STXBP3: variants seen among roughly 807,000 people sequenced by gnomAD.
STXBP3 encodes the protein syntaxin-binding protein 3.
In STXBP3, 41 loss-of-function variants were observed where a neutral mutation model predicts 85.7. The observed-to-expected ratio is 0.48, with a 90% CI of 0.37 to 0.62. The LOEUF (loss-of-function observed/expected upper bound fraction) is 0.62. Ranked by LOEUF, STXBP3 falls within the 20% of genes least tolerant of loss-of-function variation. The pLI is 0.00. For synonymous variants in STXBP3, 229 were observed against 231.7 expected (o/e 0.99, Z 0.10); for missense variants, 563 against 703.1 (o/e 0.80, Z 2.25).
chr1:108,792,754 T>C (rs1663004284), intron 11 of STXBP3, among the ~76,000 whole-genome samples: 1 of 152,140 alleles, frequency 6.6e-6, no homozygotes, highest in African/African-American at 2.4e-5. Context: ...GAATGTTGAG[T>C]TTTGTTCTGG....
chr1:108,792,531 C>G (rs1157005880), intron 11 of STXBP3, among the ~76,000 whole-genome samples: 1 of 152,172 alleles, frequency 6.6e-6, no homozygotes, highest in Non-Finnish European at 1.5e-5. Context: ...CAATCTTTTC[C>G]TCTAGCTATT....
At chr1:108,775,481 G>A (rs528379492) in intron 7 of STXBP3, among the ~76,000 whole-genome samples, 22 of 151,890 alleles carry the variant, frequency 1.4e-4, no homozygotes, top group Admixed American at 2.6e-4. Flanking sequence ...TCACCCTGTT[G>A]TGCTATCAAA....
At chr1:108,747,418 C>T (rs1661815009) in intron 1 of STXBP3, among the ~76,000 whole-genome samples, 1 of 152,176 alleles carries the variant, frequency 6.6e-6, no homozygotes, top group Non-Finnish European at 1.5e-5. Flanking sequence ...GCAAGAGCCG[C>T]TCCTTCCGTT....
Position 108,793,596 on chromosome 1 carries a change from T to C in STXBP3, c.978T>C (p.Ala326=), listed in dbSNP as rs1210153603. 2 of 1,612,202 alleles carry C rather than the reference T, an allele frequency of 1.2e-6. No homozygotes were observed. The highest frequency in any genetic ancestry group is 1.7e-6 in the Non-Finnish European group (2 of 1,178,870). The part of the protein sequence containing the change: ...KATEGKTSLS[A]LTQLMKKMPH... ...ATTTTTCCTAGACATCACTTAGTGC[T>C]CTTACCCAGCTGATGAAAAAGATGC... is the stretch of plus-strand genomic sequence containing the variant. The change falls in exon 12 of 19, where the codon GCT becomes GCC. Residue 326 remains alanine (A), a synonymous_variant. Coordinates refer to ENST00000370008, the MANE Select transcript of STXBP3 (RefSeq NM_007269.4).
At chr1:108,758,718 A>T (rs1435901291) in intron 5 of STXBP3, 130 bp downstream of exon 5, 5 of 407,670 alleles carry the variant, frequency 1.2e-5, no homozygotes, top group Non-Finnish European at 2.2e-5. Context: ...AGTCCTGGTG[A>T]TTTTCTATTT....
intron 3 of STXBP3, among the ~76,000 whole-genome samples, chr1:108,753,728 C>T (rs924579570): frequency 6.6e-6 from 1 of 151,988 alleles, no homozygotes; most frequent in South Asian, 2.1e-4. Context: ...ATCTGTATTA[C>T]CTATTGAGGA....
At chr1:108,785,500 G>A (rs957664027) in intron 11 of STXBP3, among the ~76,000 whole-genome samples, 13 of 151,980 alleles carry the variant, frequency 8.6e-5, no homozygotes, top group African/African-American at 3.1e-4. Flanking sequence ...TTTCCTCCTT[G>A]GCCTCTGGAC....
rs59575550 is a variant in STXBP3 at position 108,775,920 on chromosome 1, A to AACAC, written c.594-383_594-380dup. Among the ~76,000 whole-genome samples, 513 of 150,090 alleles carry AACAC rather than the reference A, an allele frequency of 3.4e-3. 2 individuals carry two copies. The highest frequency in any genetic ancestry group is 0.011 in the African/African-American group (453 of 40,944). On this transcript the variant is annotated intron_variant, in intron 7 of 18. Transcript: ENST00000370008. The stretch of plus-strand genomic sequence containing the variant: ...TCAATGTCAATGTAGATAAATCTCA[A>AACAC]ACACACACACACACACACACACACA...
intron 1 of STXBP3, among the ~76,000 whole-genome samples, chr1:108,751,040 A>G (rs1451313847): frequency 6.6e-6 from 1 of 152,152 alleles, no homozygotes; most frequent in East Asian, 1.9e-4. Context: ...GAGCTCTCCA[A>G]ACTCTCTTAA....
Position 108,767,925 on chromosome 1 carries a change from A to C in STXBP3, c.439-4740A>C, listed in dbSNP as rs141640948. ...ACATCATCATTTGAGGATATACAAAAGAATGAGAGAATAATTTTCGTTTTT... is the reference window on the plus strand; with the variant it reads ...ACATCATCATTTGAGGATATACAAACGAATGAGAGAATAATTTTCGTTTTT... On this transcript the variant is annotated intron_variant, in intron 6 of 18. Coordinates refer to ENST00000370008, the MANE Select transcript of STXBP3 (RefSeq NM_007269.4). 3.3e-3 allele frequency among the ~76,000 whole-genome samples: 508 copies of C among 152,256 alleles called. 2 individuals are homozygous for C. Among genetic ancestry groups the C allele is most frequent in the African/African-American group, 0.012 (494 of 41,560 alleles).
At chr1:108,807,579 T>G in intron 18 of STXBP3, 30 bp downstream of exon 18, 2 of 1,443,102 alleles carry the variant, frequency 1.4e-6, no homozygotes, top group Admixed American at 2.2e-5. Flanking sequence ...CTTTTCTGTT[T>G]TTTTTTTTTT....
At chr1:108,808,701 T>C (rs1663393048) in intron 18 of STXBP3, 82 bp from the exon 19 acceptor site, 1 of 1,103,368 alleles carries the variant, frequency 9.1e-7, no homozygotes. Context: ...ACTTTACATA[T>C]TTGAAGGACA....
chr1:108,797,482 G>A lies in STXBP3; in HGVS notation c.1357-663G>A, dbSNP rs866086801. Among the ~76,000 whole-genome samples, 109 of 137,792 alleles carry A rather than the reference G, an allele frequency of 7.9e-4. 1 individual carries two copies. The Middle Eastern group carries it at 0.015, about 18-fold the overall frequency. The allele number at this position is 137,792 out of a possible 152,430, so 90.4% of individuals were successfully genotyped here. ...GGCTGGAGTGCAGTGGCATGACCTC[G>A]GCTCACGGCAACCTCTGCCTCCCAG... On this transcript the variant is annotated intron_variant, in intron 15 of 18. Transcript: ENST00000370008.
At chr1:108,770,256 C>T (rs546775787) in intron 6 of STXBP3, among the ~76,000 whole-genome samples, 257 of 152,260 alleles carry the variant, frequency 1.7e-3, no homozygotes, top group African/African-American at 6.0e-3. Context: ...AACCATGCCA[C>T]TGCACTCCAG....
chr1:108,805,390 G>A (rs1663306494), intron 17 of STXBP3, among the ~76,000 whole-genome samples: 1 of 151,520 alleles, frequency 6.6e-6, no homozygotes, highest in Admixed American at 6.6e-5. Context: ...GTAATGAATG[G>A]AAGCAATCAT....
At chr1:108,775,707 T>C (rs545738313) in intron 7 of STXBP3, among the ~76,000 whole-genome samples, 13 of 152,274 alleles carry the variant, frequency 8.5e-5, no homozygotes, top group African/African-American at 2.9e-4. Flanking sequence ...TGACCGCCAG[T>C]TCCATCCATG....
chr1:108,752,456 T>C (rs1438902296), intron 2 of STXBP3, 150 bp downstream of exon 2: 1 of 714,728 alleles, frequency 1.4e-6, no homozygotes, highest in African/African-American at 1.8e-5. Flanking sequence ...TGTGTGTAGG[T>C]TACATGCAAA....
chr1:108,759,976 TC>T lies in STXBP3; in HGVS notation c.338-5del. 2 of 1,513,072 alleles carry T rather than the reference TC, an allele frequency of 1.3e-6. No individual in the cohort carries two copies. Among genetic ancestry groups the T allele is most frequent in the East Asian group, 2.4e-5 (1 of 42,072 alleles). 93.7% of individuals were successfully genotyped at this position (1,513,072 alleles called of 1,614,324 possible). A position where few individuals can be genotyped will look rare whatever the true frequency, so the allele number is the denominator to read the frequency against. ...TGTAACTATATGCTTTGTTTTTTTT[TC>T]CCCTCAGTTTGCCCTGATAATCTCT... On this transcript the variant is annotated splice_region_variant and splice_polypyrimidine_tract_variant and intron_variant, in intron 5 of 18. Transcript: ENST00000370008.
Position 108,800,216 on chromosome 1 carries a change from TTA to T in STXBP3, c.1450-3_1450-2del. The T allele has an allele frequency of 6.3e-7, 1 of 1,599,698 alleles. No individual in the cohort carries two copies. Among genetic ancestry groups the T allele is most frequent in the Non-Finnish European group, 8.6e-7 (1 of 1,167,238 alleles). On this transcript the variant is annotated splice_acceptor_variant and splice_polypyrimidine_tract_variant and intron_variant, in intron 16 of 18. Coordinates refer to ENST00000370008, the MANE Select transcript of STXBP3 (RefSeq NM_007269.4). LOFTEE classifies it high-confidence loss of function. ...TTGATGGAATTAACTCTTTCCTTCCTTAGGATGCTATTGATAATAGATTAGAT... is the reference window on the plus strand; with the variant it reads ...TTGATGGAATTAACTCTTTCCTTCCTGGATGCTATTGATAATAGATTAGAT...
Sources: allele counts gnomAD v4.1 joint callset (sites outside exome capture counted in the v4.1 genomes callset), GRCh38; gene constraint gnomAD v4.1.1; transcripts MANE v1.5; gene names NCBI Gene and HGNC (gene_info 2026-07-23, HGNC 2026-07-21).